HECW2: variants seen among roughly 807,000 people sequenced by gnomAD.
The protein encoded by HECW2 is E3 ubiquitin-protein ligase HECW2.
In HECW2, 61 loss-of-function variants were observed where a neutral mutation model predicts 175.2. The ratio of observed to expected loss-of-function variants is 0.35; its 90% CI spans 0.28 to 0.43. HECW2 has a LOEUF of 0.43. Among genes scored for constraint, HECW2 ranks in the 20% least tolerant of loss-of-function variants. The pLI is 1.00. For missense variants in HECW2, 1,524 were observed against 2,000.5 expected (o/e 0.76, Z 4.54); for synonymous variants, 671 against 731.0 (o/e 0.92, Z 1.32).
chr2:196,296,612 T>C (rs1690825586), intron 13 of HECW2, among the ~76,000 whole-genome samples: 1 of 152,326 alleles, frequency 6.6e-6, no homozygotes, highest in Admixed American at 6.5e-5. Context: ...TGCTAAGCCC[T>C]GTGCTAAACC....
chr2:196,344,789 TGA>T (rs1692891951), intron 2 of HECW2, among the ~76,000 whole-genome samples: 1 of 152,170 alleles, frequency 6.6e-6, no homozygotes, highest in Non-Finnish European at 1.5e-5. Flanking sequence ...GCACTTTAAC[TGA>T]GAGTTGGAAT....
chr2:196,230,262 G>A (rs990555438), intron 21 of HECW2, among the ~76,000 whole-genome samples: 1 of 152,190 alleles, frequency 6.6e-6, no homozygotes, highest in Non-Finnish European at 1.5e-5. Flanking sequence ...CAGCCTTTGC[G>A]GCTTCCTCCC....
intron 2 of HECW2, among the ~76,000 whole-genome samples, chr2:196,383,993 C>T (rs1694278644): frequency 6.6e-6 from 1 of 152,178 alleles, no homozygotes; most frequent in Non-Finnish European, 1.5e-5. Context: ...ACAACCTCAA[C>T]AGGTTACTGA....
intron 1 of HECW2, among the ~76,000 whole-genome samples, chr2:196,499,962 C>T (rs745889321): frequency 6.6e-6 from 1 of 152,062 alleles, no homozygotes; most frequent in Non-Finnish European, 1.5e-5. Flanking sequence ...TTGTGTATTA[C>T]ATTTATACTC....
Position 196,553,917 on chromosome 2 carries a change from TCA to T in HECW2, c.-36+39589_-36+39590del, listed in dbSNP as rs530152664. Among the ~76,000 whole-genome samples the T allele has an allele frequency of 6.0e-3, 907 of 152,300 alleles. 6 individuals carry two copies. The highest frequency in any genetic ancestry group is 9.5e-3 in the Non-Finnish European group (647 of 68,016). ...TTCCACCTAACCAATAAAAAACTCTTCAGTCAGTAAACTTGACATCTCACTCA... is the reference window on the plus strand; with the variant it reads ...TTCCACCTAACCAATAAAAAACTCTTGTCAGTAAACTTGACATCTCACTCA... On this transcript the variant is annotated intron_variant, in intron 1 of 28. Transcript: ENST00000644978.
intron 1 of HECW2, among the ~76,000 whole-genome samples, chr2:196,585,747 G>C (rs887386672): frequency 2.0e-5 from 3 of 152,096 alleles, no homozygotes; most frequent in Non-Finnish European, 4.4e-5. Flanking sequence ...TATACGGAGG[G>C]TATCCAATAC....
chr2:196,333,041 C>T (rs1210762326), intron 4 of HECW2, among the ~76,000 whole-genome samples: 5 of 152,088 alleles, frequency 3.3e-5, no homozygotes, highest in Non-Finnish European at 5.9e-5. Flanking sequence ...TCTTCCCTCC[C>T]TCTTCACCTA....
chr2:196,414,666 C>G (rs1405591775), intron 2 of HECW2, among the ~76,000 whole-genome samples: 3 of 152,186 alleles, frequency 2.0e-5, no homozygotes, highest in Non-Finnish European at 4.4e-5. Flanking sequence ...GGTCTTCCAT[C>G]TGGCCTCTGA....
At chr2:196,593,077 C>T (rs1159070381) in intron 1 of HECW2, among the ~76,000 whole-genome samples, 5 of 151,270 alleles carry the variant, frequency 3.3e-5, no homozygotes, top group African/African-American at 7.3e-5. Context: ...CTCTTCCCGC[C>T]GCCCTCCGCA....
intron 1 of HECW2, among the ~76,000 whole-genome samples, chr2:196,474,065 C>T (rs548266779): frequency 4.6e-5 from 7 of 152,132 alleles, no homozygotes; most frequent in South Asian, 2.1e-4. Flanking sequence ...ATAAGTTATA[C>T]GAAATCAAGT....
chr2:196,279,366 T>C (rs1162826738), intron 14 of HECW2, among the ~76,000 whole-genome samples: 1 of 152,158 alleles, frequency 6.6e-6, no homozygotes, highest in Admixed American at 6.5e-5. Flanking sequence ...TAAACATCAT[T>C]GACTTCTCTT....
chr2:196,379,440 C>T (rs1694140792), intron 2 of HECW2, among the ~76,000 whole-genome samples: 2 of 152,086 alleles, frequency 1.3e-5, no homozygotes, highest in Admixed American at 1.3e-4. Flanking sequence ...AATCCCAGCA[C>T]TTTGGGAGGT....
At chr2:196,322,333 A>T (rs1438075424) in intron 7 of HECW2, 145 bp downstream of exon 7, 1 of 524,792 alleles carries the variant, frequency 1.9e-6, no homozygotes, top group African/African-American at 2.0e-5. Flanking sequence ...GTACATTTTA[A>T]TAAGTGTAAG....
At chr2:196,526,525 T>G (rs1344929414) in intron 1 of HECW2, among the ~76,000 whole-genome samples, 1 of 152,014 alleles carries the variant, frequency 6.6e-6, no homozygotes, top group Admixed American at 6.5e-5. Flanking sequence ...TGGTGAGGAA[T>G]TGTGTTCCTT....
At chr2:196,449,558 T>C (rs536851679) in intron 1 of HECW2, among the ~76,000 whole-genome samples, 42 of 152,340 alleles carry the variant, frequency 2.8e-4, no homozygotes, top group African/African-American at 9.4e-4. Flanking sequence ...ATTATATTTA[T>C]AGAAATTGGA....
At chr2:196,458,254 G>A (rs1197098921) in intron 1 of HECW2, among the ~76,000 whole-genome samples, 1 of 152,124 alleles carries the variant, frequency 6.6e-6, no homozygotes, top group Non-Finnish European at 1.5e-5. Flanking sequence ...CTAAGTGACA[G>A]AGCAAAACCC....
intron 2 of HECW2, among the ~76,000 whole-genome samples, chr2:196,358,198 T>A (rs988585708): frequency 6.6e-6 from 1 of 152,162 alleles, no homozygotes; most frequent in African/African-American, 2.4e-5. Flanking sequence ...GTAATCACAC[T>A]TCGGCTCAGA....
intron 2 of HECW2, among the ~76,000 whole-genome samples, chr2:196,376,899 T>G (rs1694066691): frequency 6.6e-6 from 1 of 151,768 alleles, no homozygotes. Context: ...ACCACTGCAC[T>G]CCAGCCTAGG....
chr2:196,345,251 T>C (rs187713132), intron 2 of HECW2, among the ~76,000 whole-genome samples: 1 of 152,280 alleles, frequency 6.6e-6, no homozygotes, highest in Admixed American at 6.5e-5. Flanking sequence ...AATCACTGGA[T>C]TTGAAAGGTA....
Sources: gnomAD v4.1 joint callset for allele counts (sites outside exome capture counted in the v4.1 genomes callset) on GRCh38, gnomAD v4.1.1 for gene constraint, MANE v1.5 for transcripts, NCBI Gene and HGNC (gene_info 2026-07-23, HGNC 2026-07-21) for gene names.